Variants in CCZ1B observed in about 807,000 individuals in gnomAD.
CCZ1B encodes the protein CCZ1B vacuolar protein trafficking and biogenesis associated.
Under a neutral mutation model 58.8 loss-of-function variants are expected in CCZ1B, and 25 were observed. The ratio of observed to expected loss-of-function variants is 0.43; its 90% confidence interval spans 0.31 to 0.59. The LOEUF is 0.59. CCZ1B is among the 20% of genes least tolerant of loss of function. The pLI, the probability that CCZ1B is intolerant of heterozygous loss-of-function variation, is 0.12. For missense variants in CCZ1B, 180 were observed against 501.5 expected (o/e 0.36, Z 6.12); for synonymous variants, 66 against 173.2 (o/e 0.38, Z 4.86).
intron 10 of CCZ1B, among the ~76,000 whole-genome samples, chr7:6,810,115 G>A (rs563439263): frequency 7.6e-4 from 115 of 150,492 alleles, no homozygotes; most frequent in African/African-American, 2.7e-3. Flanking sequence ...GGGTACAAGT[G>A]ATTCTCCTGC....
At position 6,800,660 on chromosome 7, in the gene CCZ1B, A is replaced by C. The variant is rs1308908696; in HGVS notation, c.1393+288T>G. On this transcript the variant is annotated intron_variant, in intron 14 of 14. Coordinates refer to ENST00000316731, the MANE Select transcript of CCZ1B (RefSeq NM_198097.5). ...CTCCAGCCTGTGTGACAAAGTGAGA[A>C]CCTGTCTCCAAAAAAAGGGGGACAT... is the stretch of plus-strand genomic sequence containing the variant. Among the ~76,000 whole-genome samples the C allele has an allele frequency of 1.3e-3, 180 of 137,520 alleles. 3 individuals are homozygous for C. The highest frequency in any genetic ancestry group is 4.5e-3 in the African/African-American group (159 of 35,108). The allele number at this position is 137,520 out of a possible 152,430, so 90.2% of individuals were successfully genotyped here.
intron 7 of CCZ1B, among the ~76,000 whole-genome samples, chr7:6,817,582 C>G (rs1324874736): frequency 6.7e-6 from 1 of 149,868 alleles, no homozygotes; most frequent in Non-Finnish European, 1.5e-5. Context: ...CCTGATGCTA[C>G]AGAAGCACAA....
chr7:6,820,915 CAAAAA>C (rs377633614), intron 6 of CCZ1B, among the ~76,000 whole-genome samples: 1 of 100,244 alleles, frequency 1.0e-5, no homozygotes, highest in Non-Finnish European at 2.2e-5. Context: ...GACTCTGTCT[CAAAAA>C]AAAAAAAAAA....
chr7:6,823,885 A>T, intron 4 of CCZ1B: 2 of 977,832 alleles, frequency 2.0e-6, no homozygotes, highest in Non-Finnish European at 2.8e-6. Flanking sequence ...AATATAGATG[A>T]AGAGTAGAAG....
intron 5 of CCZ1B, among the ~76,000 whole-genome samples, chr7:6,823,073 T>C (rs1783136848): frequency 6.7e-6 from 1 of 148,376 alleles, no homozygotes; most frequent in South Asian, 2.1e-4. Flanking sequence ...AGATACACTT[T>C]TTCATCAATG....
intron 9 of CCZ1B, 21 bp from the exon 10 acceptor site, chr7:6,812,084 T>G (rs750431077): frequency 9.8e-7 from 1 of 1,020,586 alleles, no homozygotes; most frequent in Non-Finnish European, 1.5e-6. Flanking sequence ...AGAACAGACA[T>G]GACTTGATTC....
chr7:6,814,146 C>CAATA lies in CCZ1B; in HGVS notation c.780+614_780+617dup, dbSNP rs111345992. Reference sequence around the variant, plus strand: ...GGGCGAAAAGAACGAAACTCTGTCCCAATAAATAAATAAATAAATAAATAA... The same window carrying CAATA: ...GGGCGAAAAGAACGAAACTCTGTCCCAATAAATAAATAAATAAATAAATAAATAA... On this transcript the variant is annotated intron_variant, in intron 8 of 14. Transcript: ENST00000316731. Among the ~76,000 whole-genome samples the CAATA allele has an allele frequency of 6.4e-4, 94 of 146,704 alleles. 4 individuals are homozygous for CAATA. The highest frequency in any genetic ancestry group is 3.4e-3 in the Middle Eastern group (1 of 292).
In CCZ1B at chr7:6,804,284, A is replaced by G. The variant is rs1583548014; in HGVS notation, c.1106+654T>C. Among the ~76,000 whole-genome samples the G allele has an allele frequency of 3.2e-5, 4 of 123,638 alleles. 1 individual carries two copies. Among genetic ancestry groups the G allele is most frequent in the African/African-American group, 1.2e-4 (4 of 32,010 alleles). 81.1% of individuals were successfully genotyped at this position (123,638 alleles called of 152,430 possible). A position where few individuals can be genotyped will look rare whatever the true frequency, so the allele number is the denominator to read the frequency against. ...CTAAAAATACAAAAAGGAGCCGGGC[A>G]TGGTGGTGCACGCCTGTAATCCCAG... On this transcript the variant is annotated intron_variant, in intron 12 of 14. Coordinates refer to ENST00000316731, the MANE Select transcript of CCZ1B (RefSeq NM_198097.5).
chr7:6,818,632 G>A (rs1276947347), intron 7 of CCZ1B, among the ~76,000 whole-genome samples: 1 of 125,554 alleles, frequency 8.0e-6, no homozygotes, highest in African/African-American at 3.2e-5. Context: ...AAGAAAGAAA[G>A]ACAAGAAAGA....
chr7:6,805,282 C>CTGTA (rs1458954504), intron 11 of CCZ1B: 4 of 311,124 alleles, frequency 1.3e-5, no homozygotes, highest in Non-Finnish European at 2.1e-5. Flanking sequence ...GAGGCACACC[C>CTGTA]TGTAGGGTGG....
In CCZ1B at chr7:6,818,634, CAAGAAAGAAAGA is replaced by C. The variant is rs748338184; in HGVS notation, c.698+1120_698+1131del. Among the ~76,000 whole-genome samples the C allele has an allele frequency of 3.4e-4, 37 of 109,122 alleles. 5 individuals carry two copies. The highest frequency in any genetic ancestry group is 1.3e-3 in the African/African-American group (36 of 27,426). The allele number at this position is 109,122 out of a possible 152,430, so 71.6% of individuals were successfully genotyped here. A position where few individuals can be genotyped will look rare whatever the true frequency, so the allele number is the denominator to read the frequency against. On this transcript the variant is annotated intron_variant, in intron 7 of 14. Coordinates refer to ENST00000316731, the MANE Select transcript of CCZ1B (RefSeq NM_198097.5). ...AAGAAAGACAAGAAAGAAAGAAAGA[CAAGAAAGAAAGA>C]AAGACAGAAAGAAAGACAGACAGAA...
chr7:6,810,505 T>G, intron 10 of CCZ1B, among the ~76,000 whole-genome samples: 1 of 148,094 alleles, frequency 6.8e-6, no homozygotes, highest in Admixed American at 6.7e-5. Flanking sequence ...CAGGCTAGAA[T>G]GCAGTGGTGT....
At chr7:6,821,165 C>A (rs1338263024) in intron 6 of CCZ1B, among the ~76,000 whole-genome samples, 1 of 149,596 alleles carries the variant, frequency 6.7e-6, no homozygotes, top group Non-Finnish European at 1.5e-5. Flanking sequence ...TGCGCCACCA[C>A]GCCCAGCTAG....
At chr7:6,818,754 T>C (rs1223377874) in intron 7 of CCZ1B, among the ~76,000 whole-genome samples, 5 of 145,426 alleles carry the variant, frequency 3.4e-5, no homozygotes, top group Admixed American at 1.4e-4. Context: ...CTCTAGTCAA[T>C]GGGAACATAA....
At chr7:6,822,656 TTTTA>T (rs1488882240) in intron 5 of CCZ1B, among the ~76,000 whole-genome samples, 1 of 148,276 alleles carries the variant, frequency 6.7e-6, no homozygotes, top group Non-Finnish European at 1.5e-5. Flanking sequence ...ATTTCTGTTT[TTTTA>T]TTTTTCAGTG....
chr7:6,814,923 A>C lies in CCZ1B; in HGVS notation c.699-78T>G, dbSNP rs749111191. 1.0e-3 allele frequency: 1,255 copies of C among 1,197,928 alleles called. 11 individuals are homozygous for C. The highest frequency in any genetic ancestry group is 1.3e-3 in the Non-Finnish European group (1,152 of 882,542). The allele number at this position is 1,197,928 out of a possible 1,614,324, so 74.2% of individuals were successfully genotyped here. A position where few individuals can be genotyped will look rare whatever the true frequency, so the allele number is the denominator to read the frequency against. On this transcript the variant is annotated intron_variant, in intron 7 of 14. Coordinates refer to ENST00000316731, the MANE Select transcript of CCZ1B (RefSeq NM_198097.5). The stretch of plus-strand genomic sequence containing the variant: ...TCCACTGCTGTGATAAAGCTCATTA[A>C]ACAAAAATTTTTTTTTCAAGTCATT...
intron 5 of CCZ1B, 124 bp from the exon 6 acceptor site, chr7:6,822,488 C>A: frequency 1.4e-6 from 2 of 1,394,204 alleles, no homozygotes; most frequent in Non-Finnish European, 9.5e-7. Flanking sequence ...TTCTTTCCAA[C>A]AGAGAATATT....
At chr7:6,800,699 G>A (rs1439242450) in intron 14 of CCZ1B, among the ~76,000 whole-genome samples, 2 of 142,846 alleles carry the variant, frequency 1.4e-5, no homozygotes, top group African/African-American at 5.4e-5. Flanking sequence ...TTAATATAAA[G>A]TCATTTTTTT....
chr7:6,825,641 C>CACACACA (rs1554259767), intron 1 of CCZ1B, among the ~76,000 whole-genome samples: 15 of 87,272 alleles, frequency 1.7e-4, no homozygotes, highest in African/African-American at 5.7e-4. Flanking sequence ...CTCAGAAAAA[C>CACACACA]CACACACACA....
Sources: gnomAD v4.1 joint callset for allele counts (sites outside exome capture counted in the v4.1 genomes callset) on GRCh38, gnomAD v4.1.1 for gene constraint, MANE v1.5 for transcripts, NCBI Gene and HGNC (gene_info 2026-07-23, HGNC 2026-07-21) for gene names.